HDAC4: variants seen among roughly 807,000 people sequenced by gnomAD.
HDAC4 encodes the protein histone deacetylase 4.
HDAC4 carries 16 observed loss-of-function variants against 135.1 expected under a neutral mutation model. The observed-to-expected ratio is 0.12, with a 90% CI of 0.08 to 0.18. The LOEUF (loss-of-function observed/expected upper bound fraction) is 0.18, where lower values mean the gene tolerates loss of function less well. Among genes scored for constraint, HDAC4 ranks in the 10% least tolerant of loss-of-function variants. The probability of loss-of-function intolerance (pLI) is 1.00; values close to 1 mark genes in which losing one functional copy is unlikely to be tolerated. For missense variants in HDAC4, 1,143 were observed against 1,511.8 expected, an observed-to-expected ratio of 0.76 and a Z score of 4.05; for synonymous variants, 685 against 653.4, an observed-to-expected ratio of 1.05 and a Z score of -0.74.
chr2:239,184,736 T>C (rs28440016), intron 4 of HDAC4, among the ~76,000 whole-genome samples: 11 of 97,726 alleles, frequency 1.1e-4, no homozygotes, highest in Admixed American at 3.6e-4. Flanking sequence ...GTGTCTGTCC[T>C]GGAGACTGTG....
intron 24 of HDAC4, 66 bp from the exon 25 acceptor site, chr2:239,054,899 T>C: frequency 9.4e-7 from 1 of 1,061,216 alleles, no homozygotes; most frequent in Non-Finnish European, 1.5e-6. Context: ...AGACGGGTGT[T>C]CCGAGACTGC....
At chr2:239,359,852 C>A (rs1693746416) in intron 1 of HDAC4, among the ~76,000 whole-genome samples, 1 of 152,184 alleles carries the variant, frequency 6.6e-6, no homozygotes, top group African/African-American at 2.4e-5. Context: ...CCAGAACCTG[C>A]TGGACAGAAT....
chr2:239,269,032 A>T (rs897294633), intron 2 of HDAC4, among the ~76,000 whole-genome samples: 4 of 152,216 alleles, frequency 2.6e-5, no homozygotes, highest in Non-Finnish European at 4.4e-5. Flanking sequence ...CTACCATTGG[A>T]AACGTTCAAT....
At chr2:239,221,179 C>T (rs1383268419) in intron 3 of HDAC4, among the ~76,000 whole-genome samples, 1 of 152,158 alleles carries the variant, frequency 6.6e-6, no homozygotes, top group Non-Finnish European at 1.5e-5. Flanking sequence ...AGTGTTCTTG[C>T]GAATACCATT....
At chr2:239,376,579 C>A (rs1329950136) in intron 1 of HDAC4, among the ~76,000 whole-genome samples, 1 of 152,250 alleles carries the variant, frequency 6.6e-6, no homozygotes, top group Admixed American at 6.5e-5. Flanking sequence ...CCTGGCCACA[C>A]CACACACACC....
At chr2:239,164,017 G>A (rs2042979960) in intron 5 of HDAC4, 94 bp from the exon 6 acceptor site, 14 of 1,497,482 alleles carry the variant, frequency 9.3e-6, no homozygotes, top group South Asian at 1.1e-5. Context: ...GGGAAGGGCT[G>A]GGGACGGCTA....
intron 20 of HDAC4, among the ~76,000 whole-genome samples, chr2:239,083,005 CAG>C (rs1331233425): frequency 2.0e-5 from 3 of 152,238 alleles, no homozygotes; most frequent in African/African-American, 7.2e-5. Flanking sequence ...GTGCTCATCA[CAG>C]AAAAGGCGGA....
intron 1 of HDAC4, among the ~76,000 whole-genome samples, chr2:239,379,176 G>A (rs1695239447): frequency 6.6e-6 from 1 of 152,184 alleles, no homozygotes; most frequent in South Asian, 2.1e-4. Context: ...GCCAAGAAAA[G>A]CTGTTCCTCG....
intron 5 of HDAC4, among the ~76,000 whole-genome samples, chr2:239,175,263 C>A (rs2043687120): frequency 6.6e-6 from 1 of 152,196 alleles, no homozygotes; most frequent in South Asian, 2.1e-4. Context: ...ACACAGTGAG[C>A]CAAGGGCTCT....
At chr2:239,334,277 T>C (rs1691772795) in intron 2 of HDAC4, among the ~76,000 whole-genome samples, 2 of 152,070 alleles carry the variant, frequency 1.3e-5, no homozygotes, top group Non-Finnish European at 2.9e-5. Flanking sequence ...CCCAGCACTT[T>C]GGGAGGCCGA....
At chr2:239,327,063 G>A (rs2053492454) in intron 2 of HDAC4, among the ~76,000 whole-genome samples, 1 of 152,210 alleles carries the variant, frequency 6.6e-6, no homozygotes, top group Admixed American at 6.5e-5. Context: ...CCCTGACTAG[G>A]ATGATTCACC....
chr2:239,205,225 T>A (rs1417207446), intron 3 of HDAC4, among the ~76,000 whole-genome samples: 1 of 152,166 alleles, frequency 6.6e-6, no homozygotes, highest in Non-Finnish European at 1.5e-5. Flanking sequence ...GCTGACAATT[T>A]TCCAGAACTG....
intron 12 of HDAC4, among the ~76,000 whole-genome samples, chr2:239,118,810 T>C (rs915516275): frequency 2.6e-5 from 4 of 152,102 alleles, no homozygotes; most frequent in African/African-American, 9.7e-5. Context: ...CTCTGACAGG[T>C]TTCTCAGTGG....
intron 1 of HDAC4, among the ~76,000 whole-genome samples, chr2:239,396,903 G>C (rs1696596145): frequency 1.3e-5 from 2 of 152,222 alleles, no homozygotes; most frequent in Non-Finnish European, 2.9e-5. Flanking sequence ...TGGAGCATTA[G>C]CTCCCTTCCG....
At chr2:239,178,054 GC>G (rs1475703360) in intron 4 of HDAC4, among the ~76,000 whole-genome samples, 1 of 152,166 alleles carries the variant, frequency 6.6e-6, no homozygotes, top group East Asian at 1.9e-4. Context: ...GCTCTCGTTC[GC>G]ATGCTCCAGG....
At chr2:239,210,321 A>AAAAAAC (rs1280628835) in intron 3 of HDAC4, among the ~76,000 whole-genome samples, 2 of 152,200 alleles carry the variant, frequency 1.3e-5, no homozygotes, top group Non-Finnish European at 2.9e-5. Flanking sequence ...AAAAAAACAC[A>AAAAAAC]AAAAACAAAA....
intron 2 of HDAC4, chr2:239,298,234 C>T: frequency 1.6e-6 from 2 of 1,289,184 alleles, no homozygotes; most frequent in Non-Finnish European, 2.0e-6. Flanking sequence ...AGCAGCCAGA[C>T]CTAAGATCAA....
chr2:239,190,829 T>C (rs1264376250), intron 3 of HDAC4: 1 of 387,240 alleles, frequency 2.6e-6, no homozygotes, highest in Non-Finnish European at 5.3e-6. Context: ...ATCAATTTCA[T>C]TCCTTACAAT....
intron 5 of HDAC4, among the ~76,000 whole-genome samples, chr2:239,164,808 G>A (rs934282104): frequency 5.3e-5 from 8 of 152,248 alleles, no homozygotes; most frequent in African/African-American, 1.9e-4. Context: ...GAACATTTAT[G>A]AGTGGGTAAC....
Sources: allele counts gnomAD v4.1 joint callset (sites outside exome capture counted in the v4.1 genomes callset), GRCh38; gene constraint gnomAD v4.1.1; transcripts MANE v1.5; gene names NCBI Gene and HGNC (gene_info 2026-07-23, HGNC 2026-07-21).